Variants in PHACTR2 observed in about 807,000 individuals in gnomAD.
PHACTR2 encodes the protein chromosome 6 open reading frame 56.
Under a neutral mutation model 76.0 loss-of-function variants are expected in PHACTR2, and 30 were observed. The ratio of observed to expected loss-of-function variants is 0.39; its 90% confidence interval spans 0.30 to 0.54. The LOEUF is 0.54. Among genes scored for constraint, PHACTR2 ranks in the 20% least tolerant of loss-of-function variants. The probability of loss-of-function intolerance (pLI) is 0.61; values close to 1 mark genes in which losing one functional copy is unlikely to be tolerated. For synonymous variants in PHACTR2, 292 were observed against 292.5 expected, an observed-to-expected ratio of 1.00 and a Z score of 0.02; for missense variants, 696 against 781.1, an observed-to-expected ratio of 0.89 and a Z score of 1.30.
chr6:143,580,361 T>A lies in PHACTR2; in HGVS notation c.217+43154T>A, dbSNP rs989643518. On this transcript the variant is annotated intron_variant, in intron 1 of 11. Transcript: ENST00000367584. This position sits in a 1 kb window ranked among gnomAD's most constrained non-coding sequence, Gnocchi z 4.2. ...TTAGCCCGGCTTGGTGGCGGGCGCC[T>A]GTAGTCCCAGCTACTCTGGAGGCTG... 2.6e-5 allele frequency among the ~76,000 whole-genome samples: 4 copies of A among 152,170 alleles called. No individual in the cohort carries two copies. The highest frequency in any genetic ancestry group is 4.4e-5 in the Non-Finnish European group (3 of 68,032).
rs146465457 is a variant in PHACTR2, at chr6:143,578,990, G to A, written c.217+41783G>A. On this transcript the variant is annotated intron_variant, in intron 1 of 11. Transcript: ENST00000367584. The surrounding 1 kb of genome is among the most constrained non-coding windows in gnomAD (Gnocchi z 4.5). ...GTGATCACAGCTCACTGCAACCTCCGTCTCCCGGGTTCAAGCCATCCTCCT... is the reference window on the plus strand; with the variant it reads ...GTGATCACAGCTCACTGCAACCTCCATCTCCCGGGTTCAAGCCATCCTCCT... 0.011 allele frequency among the ~76,000 whole-genome samples: 1,649 copies of A among 152,084 alleles called. 29 individuals are homozygous for A. The highest frequency in any genetic ancestry group is 0.037 in the African/African-American group (1,543 of 41,476).
At position 143,700,647 on chromosome 6, in the gene PHACTR2, C is replaced by G. The variant is rs1777887590; in HGVS notation, c.47-11369C>G. 6.6e-6 allele frequency among the ~76,000 whole-genome samples: 1 copy of G among 152,312 alleles called. No individual in the cohort carries two copies. The highest frequency in any genetic ancestry group is 2.1e-4 in the South Asian group (1 of 4,826). On this transcript the variant is annotated intron_variant, in intron 1 of 12. Transcript: ENST00000440869. The surrounding 1 kb of genome is among the most constrained non-coding windows in gnomAD (Gnocchi z 4.1). Reference sequence around the variant, plus strand: ...ATATATAAGGTCTACCAGCTTCTCCCCTAAAGTTCTGTGCTGACGCACATT... The same window carrying G: ...ATATATAAGGTCTACCAGCTTCTCCGCTAAAGTTCTGTGCTGACGCACATT...
At chr6:143,728,804 C>T (rs183005765) in intron 2 of PHACTR2, among the ~76,000 whole-genome samples, 1 of 152,232 alleles carries the variant, frequency 6.6e-6, no homozygotes, top group Admixed American at 6.5e-5. Flanking sequence ...TGAAAATAGA[C>T]ACCTATGTCT....
In PHACTR2 at chr6:143,784,775, A is replaced by G. The variant is rs1197053150; in HGVS notation, c.1707+1495A>G. The stretch of plus-strand genomic sequence containing the variant: ...GCAGGAGGCAAAAGGCTCTTCTAAC[A>G]TGGTGGCGGCAAAAGAAAATGAGGA... On this transcript the variant is annotated intron_variant, in intron 10 of 12. Coordinates refer to ENST00000440869, the MANE Select transcript of PHACTR2 (RefSeq NM_001100164.2). This position sits in a 1 kb window ranked among gnomAD's most constrained non-coding sequence, Gnocchi z 4.5. Among the ~76,000 whole-genome samples the G allele has an allele frequency of 6.6e-6, 1 of 152,216 alleles. No individual in the cohort carries two copies. Among genetic ancestry groups the G allele is most frequent in the Non-Finnish European group, 1.5e-5 (1 of 68,036 alleles).
intron 1 of PHACTR2, among the ~76,000 whole-genome samples, chr6:143,614,008 G>C (rs1283802571): frequency 2.6e-5 from 4 of 152,146 alleles, no homozygotes; most frequent in Non-Finnish European, 5.9e-5. Context: ...AGATCACAAG[G>C]TCAGGAGTTC....
At position 143,772,367 on chromosome 6, in the gene PHACTR2, G is replaced by A. The variant is rs1582865409; in HGVS notation, c.1342G>A (p.Glu448Lys). Residue 448 changes from glutamate to lysine, a missense_variant, in exon 7 of 13, where the codon GAA becomes AAA. Glu to Lys is a moderately conservative substitution (Grantham distance 56). Around this residue, in one of 2 missense-constraint regions of PHACTR2, gnomAD observed 236 missense variants for 330.2 expected, o/e 0.71. Coordinates refer to ENST00000440869, the MANE Select transcript of PHACTR2 (RefSeq NM_001100164.2). This position sits in a 1 kb window ranked among gnomAD's most constrained non-coding sequence, Gnocchi z 5.4. ...FSASEDEGHR[E>K]YQANDSDSDG... Reference sequence around the variant, plus strand: ...TGCCTCAGAAGATGAAGGCCACAGGGAATACCAAGCCAATGACTCTGACTC... The same window carrying A: ...TGCCTCAGAAGATGAAGGCCACAGGAAATACCAAGCCAATGACTCTGACTC... 1 of 1,614,022 alleles carries A rather than the reference G, an allele frequency of 6.2e-7. No homozygotes were observed. The highest frequency in any genetic ancestry group is 1.1e-5 in the South Asian group (1 of 91,076).
In PHACTR2 at chr6:143,796,185, C is replaced by T. The variant is rs145623199; in HGVS notation, c.1845+7275C>T. Among the ~76,000 whole-genome samples, 314 of 152,272 alleles carry T rather than the reference C, an allele frequency of 2.1e-3. 6 individuals are homozygous for T. The highest frequency in any genetic ancestry group is 7.4e-3 in the African/African-American group (308 of 41,568). ...CTATTCTTTGCCCTGTTCATTGATG[C>T]CTTAGCAGCAGAAGGGAGTACACTT... On this transcript the variant is annotated intron_variant, in intron 11 of 12. Transcript: ENST00000440869.
rs553576861 is a variant in PHACTR2, at chr6:143,597,961, C to T, written c.217+60754C>T. ...GCACGCAAGACTTCAGGTGCACCTACGGAAGTAGCGGTGGGGGCTTTGGCT... is the reference window on the plus strand; with the variant it reads ...GCACGCAAGACTTCAGGTGCACCTATGGAAGTAGCGGTGGGGGCTTTGGCT... On this transcript the variant is annotated intron_variant, in intron 1 of 11. Transcript: ENST00000367584. This position sits in a 1 kb window ranked among gnomAD's most constrained non-coding sequence, Gnocchi z 5.7. Among the ~76,000 whole-genome samples the T allele has an allele frequency of 2.6e-5, 4 of 152,220 alleles. No homozygotes were observed. The highest frequency in any genetic ancestry group is 1.9e-4 in the East Asian group (1 of 5,180).
At position 143,765,353 on chromosome 6, in the gene PHACTR2, G is replaced by C. The variant is rs1366139944; in HGVS notation, c.787G>C (p.Glu263Gln). 6.2e-7 allele frequency: 1 copy of C among 1,614,166 alleles called. No homozygotes were observed. The highest frequency in any genetic ancestry group is 8.5e-7 in the Non-Finnish European group (1 of 1,180,030). The change falls in exon 6 of 13, where the codon GAG becomes CAG. Residue 263 changes from glutamate (E) to glutamine (Q), a missense_variant. Physicochemically the swap from Glu to Gln is conservative, Grantham distance 29. Transcript: ENST00000440869. This position sits in a 1 kb window ranked among gnomAD's most constrained non-coding sequence, Gnocchi z 4.1. ...CTCATCTCGTCCCAAAGCTTCAAAGGAGACAGTTTCTAGCAAAGCAGGGAC... is the reference window on the plus strand; with the variant it reads ...CTCATCTCGTCCCAAAGCTTCAAAGCAGACAGTTTCTAGCAAAGCAGGGAC... Reference protein sequence around the residue: ...STSSRPKASKETVSSKAGTVG... With the variant: ...STSSRPKASKQTVSSKAGTVG...
At chr6:143,690,505 T>C (rs1300596956) in intron 1 of PHACTR2, among the ~76,000 whole-genome samples, 2 of 152,344 alleles carry the variant, frequency 1.3e-5, no homozygotes, top group East Asian at 3.9e-4. Flanking sequence ...GTCTTTGTAT[T>C]AGAACGTGGC....
rs775109750 is a variant in PHACTR2, at chr6:143,697,958, C to T, written c.47-14058C>T. ...TCAGAGAGGTAGTCTTTTTTTTAAC[C>T]TACTCACTTAATAACAACAACAATT... On this transcript the variant is annotated intron_variant, in intron 1 of 12. Transcript: ENST00000440869. This position sits in a 1 kb window ranked among gnomAD's most constrained non-coding sequence, Gnocchi z 4.4. Among the ~76,000 whole-genome samples, 11 of 151,818 alleles carry T rather than the reference C, an allele frequency of 7.2e-5. No homozygotes were observed. Among genetic ancestry groups the T allele is most frequent in the Non-Finnish European group, 1.3e-4 (9 of 67,966 alleles).
At position 143,826,383 on chromosome 6, in the gene PHACTR2, G is replaced by C. The variant is rs151296172; in HGVS notation, c.*2694G>C. On this transcript the variant is annotated 3_prime_UTR_variant, in exon 13 of 13. Coordinates refer to ENST00000440869, the MANE Select transcript of PHACTR2 (RefSeq NM_001100164.2). ...TATGCTGTATAGGAAAAATAAAAGTGTGTGGGAATTGGATTTCTTTTGTTG... is the reference window on the plus strand; with the variant it reads ...TATGCTGTATAGGAAAAATAAAAGTCTGTGGGAATTGGATTTCTTTTGTTG... 12 of 152,332 alleles carry C rather than the reference G, an allele frequency of 7.9e-5. No individual in the cohort carries two copies. In the East Asian group the frequency reaches 2.3e-3, roughly 29 times the overall value. The allele number at this position is 152,332 out of a possible 1,614,324, so 9.4% of individuals were successfully genotyped here.
chr6:143,537,178 G>A lies in PHACTR2; in HGVS notation c.188G>A (p.Arg63His). The A allele has an allele frequency of 1.3e-5, 4 of 302,038 alleles. No individual in the cohort carries two copies. Among genetic ancestry groups the A allele is most frequent in the Non-Finnish European group, 2.6e-5 (4 of 155,310 alleles). 18.7% of individuals were successfully genotyped at this position (302,038 alleles called of 1,614,324 possible). The change falls in exon 1 of 12, where the codon CGC (arginine) becomes CAC (histidine). Residue 63 changes from arginine to histidine, a missense_variant. Transcript: ENST00000367584. The surrounding 1 kb of genome is among the most constrained non-coding windows in gnomAD (Gnocchi z 4.4). ...CTCTCGTCGTCCTCGAGCAGGGGCC[G>A]CCCGCTCCGGGTCCACATCTCCGGC...
Position 143,596,040 on chromosome 6 carries a change from A to G in PHACTR2, c.217+58833A>G, listed in dbSNP as rs193232170. On this transcript the variant is annotated intron_variant, in intron 1 of 11. Coordinates refer to the PHACTR2 transcript ENST00000367584. The surrounding 1 kb of genome is among the most constrained non-coding windows in gnomAD (Gnocchi z 4.6). ...ACTTTAAAGAATAAAAGAACACTTG[A>G]GAATGATTCAGTTGGCGGAGATTCT... Among the ~76,000 whole-genome samples, 29 of 152,374 alleles carry G rather than the reference A, an allele frequency of 1.9e-4. No homozygotes were observed. The highest frequency in any genetic ancestry group is 1.3e-3 in the Admixed American group (20 of 15,310).
rs973525771 is a variant in PHACTR2 at position 143,750,811 on chromosome 6, A to G, written c.295+1746A>G. Among the ~76,000 whole-genome samples the G allele has an allele frequency of 1.3e-5, 2 of 152,236 alleles. No individual in the cohort carries two copies. Among genetic ancestry groups the G allele is most frequent in the Admixed American group, 1.3e-4 (2 of 15,280 alleles). On this transcript the variant is annotated intron_variant, in intron 3 of 12. Transcript: ENST00000440869. This position sits in a 1 kb window ranked among gnomAD's most constrained non-coding sequence, Gnocchi z 4.6. ...GAAACTAAAAGTTTTAAAACATAAAAGAACAAAACAATTTTTTAACCTAAG... is the reference window on the plus strand; with the variant it reads ...GAAACTAAAAGTTTTAAAACATAAAGGAACAAAACAATTTTTTAACCTAAG...
In PHACTR2 at chr6:143,591,150, A is replaced by G. The variant is rs1333140091; in HGVS notation, c.217+53943A>G. On this transcript the variant is annotated intron_variant, in intron 1 of 11. Transcript: ENST00000367584. This position sits in a 1 kb window ranked among gnomAD's most constrained non-coding sequence, Gnocchi z 6.4. ...TTGTGATGCTTCCTTTTGCCCCATC[A>G]GCCAAGACATTCCACGTTCATTTGC... Among the ~76,000 whole-genome samples, 2 of 152,158 alleles carry G rather than the reference A, an allele frequency of 1.3e-5. No individual in the cohort carries two copies. Among genetic ancestry groups the G allele is most frequent in the African/African-American group, 2.4e-5 (1 of 41,426 alleles).
Position 143,664,999 on chromosome 6 carries a change from C to A in PHACTR2, c.14-47017C>A, listed in dbSNP as rs199778675. ...ATTTTTAGTAGAGATGGGGTTTCAC[C>A]ATGTTGGCCAAGCTGGTCTGAACTC... On this transcript the variant is annotated intron_variant, in intron 1 of 11. Transcript: ENST00000305766. The surrounding 1 kb of genome is among the most constrained non-coding windows in gnomAD (Gnocchi z 5.1). 3.9e-5 allele frequency among the ~76,000 whole-genome samples: 6 copies of A among 152,042 alleles called. No homozygotes were observed. In the East Asian group the frequency reaches 1.2e-3, roughly 29 times the overall value.
chr6:143,636,332 G>A (rs1474081449), intron 1 of PHACTR2, among the ~76,000 whole-genome samples: 1 of 152,096 alleles, frequency 6.6e-6, no homozygotes, highest in Non-Finnish European at 1.5e-5. Context: ...TACATAAGGG[G>A]TGAGGTTGGG....
rs9496710 is a variant in PHACTR2 at position 143,624,186 on chromosome 6, A to G, written c.13+15864A>G. Among the ~76,000 whole-genome samples the G allele has an allele frequency of 9.0e-3, 1,377 of 152,158 alleles. 19 individuals carry two copies. The highest frequency in any genetic ancestry group is 0.029 in the African/African-American group (1,201 of 41,488). On this transcript the variant is annotated intron_variant, in intron 1 of 11. Coordinates refer to the PHACTR2 transcript ENST00000305766. The surrounding 1 kb of genome is among the most constrained non-coding windows in gnomAD (Gnocchi z 4.6). ...CAGTGGCCCAATCTCGGCTCATTAC[A>G]ACCTCTGCCCCCTGGGTTGAAGCAA...
Sources: gnomAD v4.1 joint callset for allele counts (sites outside exome capture counted in the v4.1 genomes callset) on GRCh38, gnomAD v4.1.1 for gene constraint, gnomAD v4.1.1 regional missense constraint, Gnocchi (gnomAD v3.1) non-coding constraint, MANE v1.5 for transcripts, NCBI Gene and HGNC (gene_info 2026-07-23, HGNC 2026-07-21) for gene names.